Variants in STK32B observed in about 807,000 individuals in gnomAD.
The protein encoded by STK32B is serine/threonine kinase 32B, also known as serine/threonine-protein kinase 32B.
Under a neutral mutation model 52.6 loss-of-function variants are expected in STK32B, and 43 were observed. The observed-to-expected ratio is 0.82, with a 90% CI of 0.64 to 1.05. The LOEUF is 1.05. STK32B is among the 50% of genes least tolerant of loss of function. The probability of loss-of-function intolerance (pLI) is 0.00; values close to 1 mark genes in which losing one functional copy is unlikely to be tolerated. For synonymous variants in STK32B, 238 were observed against 204.3 expected (o/e 1.17, Z -1.41); for missense variants, 621 against 534.6 (o/e 1.16, Z -1.59).
intron 1 of STK32B, among the ~76,000 whole-genome samples, chr4:5,078,431 G>A (rs1336554848): frequency 6.6e-6 from 1 of 152,164 alleles, no homozygotes; most frequent in Non-Finnish European, 1.5e-5. Flanking sequence ...GATATGAAAA[G>A]AGGAAGCTAA....
chr4:5,391,820 T>G (rs1282524632), intron 4 of STK32B, among the ~76,000 whole-genome samples: 1 of 152,256 alleles, frequency 6.6e-6, no homozygotes, highest in East Asian at 1.9e-4. Context: ...AATGGCTCCC[T>G]CTGCCTCCCC....
In STK32B at chr4:5,395,781, AG is replaced by A. The variant is rs1475200195; in HGVS notation, c.435-2424del. 6.6e-6 allele frequency among the ~76,000 whole-genome samples: 1 copy of A among 152,264 alleles called. No homozygotes were observed. The highest frequency in any genetic ancestry group is 1.5e-5 in the Non-Finnish European group (1 of 68,044). ...ACTGAAGCAGAGGCAGAGATCATGC[AG>A]GTAGTCAAAAGTGAGACTGGAGTTG... On this transcript the variant is annotated intron_variant, in intron 4 of 11. Transcript: ENST00000282908. The surrounding 1 kb of genome is among the most constrained non-coding windows in gnomAD (Gnocchi z 4.4).
At chr4:5,168,818 C>A (rs1719099550) in intron 3 of STK32B, among the ~76,000 whole-genome samples, 2 of 152,294 alleles carry the variant, frequency 1.3e-5, no homozygotes, top group Admixed American at 1.3e-4. Flanking sequence ...GGAAGGGCAA[C>A]TGGAAACCAG....
intron 9 of STK32B, 74 bp from the exon 10 acceptor site, chr4:5,466,629 T>C: frequency 6.6e-7 from 1 of 1,519,452 alleles, no homozygotes; most frequent in Non-Finnish European, 8.8e-7. Flanking sequence ...AATGAATGGT[T>C]GAATTAATGA....
intron 3 of STK32B, among the ~76,000 whole-genome samples, chr4:5,321,737 G>C (rs1422792966): frequency 6.6e-6 from 1 of 152,148 alleles, no homozygotes; most frequent in Non-Finnish European, 1.5e-5. Flanking sequence ...AGTCTGCAAA[G>C]CCCCTCCAGT....
chr4:5,417,077 A>G (rs904809860), intron 6 of STK32B, 143 bp downstream of exon 6: 12 of 702,440 alleles, frequency 1.7e-5, no homozygotes, highest in Non-Finnish European at 2.5e-5. Context: ...AGTAGATACA[A>G]TGCTCCCTCG....
intron 2 of STK32B, among the ~76,000 whole-genome samples, chr4:5,161,305 G>A (rs1477338430): frequency 1.3e-5 from 2 of 152,204 alleles, no homozygotes; most frequent in Non-Finnish European, 2.9e-5. Flanking sequence ...ATCAGTTGTG[G>A]ACTCAGCAGC....
intron 6 of STK32B, among the ~76,000 whole-genome samples, chr4:5,423,585 ACACAGAGC>A (rs1350525538): frequency 6.6e-6 from 1 of 152,210 alleles, no homozygotes; most frequent in Non-Finnish European, 1.5e-5. Context: ...AATACTGGGA[ACACAGAGC>A]CAAATCCAAC....
chr4:5,297,131 T>C (rs1729254597), intron 3 of STK32B, among the ~76,000 whole-genome samples: 1 of 152,218 alleles, frequency 6.6e-6, no homozygotes, highest in Non-Finnish European at 1.5e-5. Flanking sequence ...TTGTAGGGTT[T>C]CCGCAGAGAT....
At chr4:5,318,106 T>A (rs1731234351) in intron 3 of STK32B, among the ~76,000 whole-genome samples, 1 of 152,070 alleles carries the variant, frequency 6.6e-6, no homozygotes, top group African/African-American at 2.4e-5. Flanking sequence ...TGTGCACGTG[T>A]GTGTGTGTGT....
chr4:5,265,825 G>A (rs1727021779), intron 3 of STK32B, among the ~76,000 whole-genome samples: 1 of 151,896 alleles, frequency 6.6e-6, no homozygotes, highest in South Asian at 2.1e-4. Context: ...GATATTCCAA[G>A]TGTTTTCCTT....
intron 1 of STK32B, among the ~76,000 whole-genome samples, chr4:5,099,882 T>G (rs147228746): frequency 6.6e-6 from 1 of 152,068 alleles, no homozygotes; most frequent in Non-Finnish European, 1.5e-5. Context: ...ACCCAGCTGT[T>G]GTCCTGCAGG....
At chr4:5,246,915 C>A (rs1342328264) in intron 3 of STK32B, among the ~76,000 whole-genome samples, 1 of 152,162 alleles carries the variant, frequency 6.6e-6, no homozygotes, top group Non-Finnish European at 1.5e-5. Context: ...AATGCTGCTG[C>A]CTGATCATTC....
At chr4:5,188,571 G>A (rs1720927954) in intron 3 of STK32B, among the ~76,000 whole-genome samples, 1 of 152,144 alleles carries the variant, frequency 6.6e-6, no homozygotes, top group Non-Finnish European at 1.5e-5. Context: ...TCTACTGTCA[G>A]CTTACATTTC....
intron 6 of STK32B, among the ~76,000 whole-genome samples, chr4:5,418,256 T>A (rs925866737): frequency 6.6e-6 from 1 of 151,780 alleles, no homozygotes; most frequent in Non-Finnish European, 1.5e-5. Flanking sequence ...TATTCTGCTC[T>A]TCATTCTCCT....
At chr4:5,124,981 A>G (rs1167468833) in intron 1 of STK32B, among the ~76,000 whole-genome samples, 8 of 152,214 alleles carry the variant, frequency 5.3e-5, no homozygotes. Flanking sequence ...GAATTCTTCA[A>G]CTATTAGCAG....
the STK32B span, among the ~76,000 whole-genome samples, chr4:5,045,574 C>G: frequency 6.6e-6 from 1 of 152,022 alleles, no homozygotes; most frequent in Non-Finnish European, 1.5e-5. Flanking sequence ...TTGTTTGTAT[C>G]CTCTCTTATT....
intron 1 of STK32B, among the ~76,000 whole-genome samples, chr4:5,068,789 C>T (rs1388845197): frequency 6.6e-6 from 1 of 152,100 alleles, no homozygotes; most frequent in Admixed American, 6.5e-5. Context: ...ATTGTGACTA[C>T]TATAAATAGA....
At chr4:5,224,742 TATTA>T (rs1723758381) in intron 3 of STK32B, among the ~76,000 whole-genome samples, 1 of 152,158 alleles carries the variant, frequency 6.6e-6, no homozygotes, top group Non-Finnish European at 1.5e-5. Flanking sequence ...TAATTAATAA[TATTA>T]ATGACAAATA....
Sources: allele counts gnomAD v4.1 joint callset (sites outside exome capture counted in the v4.1 genomes callset), GRCh38; gene constraint gnomAD v4.1.1; non-coding constraint Gnocchi (gnomAD v3.1); transcripts MANE v1.5; gene names NCBI Gene and HGNC (gene_info 2026-07-23, HGNC 2026-07-21).